Variants in THBS2 observed in about 807,000 individuals in gnomAD.
THBS2 encodes thrombospondin 2, also known as thrombospondin-2.
A neutral mutation model predicts 135.2 loss-of-function variants in THBS2; 47 were observed. The observed-to-expected ratio is 0.35, with a 90% CI of 0.28 to 0.44. The LOEUF is 0.44. THBS2 is among the 20% of genes least tolerant of loss of function. THBS2 has a pLI of 1.00. For missense variants in THBS2, 1,288 were observed against 1,603.1 expected, an observed-to-expected ratio of 0.80 and a Z score of 3.36; for synonymous variants, 639 against 633.8, an observed-to-expected ratio of 1.01 and a Z score of -0.12.
At position 169,237,787 on chromosome 6, in the gene THBS2, C is replaced by T. The variant is rs150416877; in HGVS notation, c.1138G>A (p.Gly380Ser). ...GCCCACGGAGACCAGCCCTCCTCAC[C>T]GTCCACCGCTGCCAGAGGAAGCAAA... is the stretch of plus-strand genomic sequence containing the variant. ...CCPSCLHSVD[G>S]EEGWSPWAEW... The change falls in exon 8 of 22, where the codon GGT becomes AGT. Residue 380 changes from glycine (G) to serine (S), a missense_variant. Transcript: ENST00000617924. 47 of 1,609,206 alleles carry T rather than the reference C, an allele frequency of 2.9e-5. No individual in the cohort carries two copies. Among genetic ancestry groups the T allele is most frequent in the African/African-American group, 2.1e-4 (16 of 74,904 alleles).
chr6:169,226,344 A>G (rs1285586869), intron 15 of THBS2, 46 bp from the exon 16 acceptor site: 2 of 1,481,532 alleles, frequency 1.3e-6, no homozygotes, highest in Non-Finnish European at 1.9e-6. Flanking sequence ...AACCAGAAGG[A>G]CAGGTGAGTT....
At chr6:169,247,459 G>A in intron 3 of THBS2, among the ~76,000 whole-genome samples, 1 of 152,246 alleles carries the variant, frequency 6.6e-6, no homozygotes, top group African/African-American at 2.4e-5. Context: ...GTGCATTTGT[G>A]CATGTGTATG....
intron 8 of THBS2, 139 bp downstream of exon 8, chr6:169,237,486 A>G (rs1780139300): frequency 1.3e-6 from 2 of 1,497,746 alleles, no homozygotes; most frequent in Middle Eastern, 2.1e-4. Flanking sequence ...GCTGGGAGAA[A>G]GAGCCTCACC....
intron 14 of THBS2, among the ~76,000 whole-genome samples, chr6:169,228,509 C>G (rs1046880829): frequency 6.6e-6 from 1 of 152,064 alleles, no homozygotes; most frequent in Admixed American, 6.5e-5. Context: ...GGGCAGGGCA[C>G]GGAGGCTCAC....
intron 4 of THBS2, among the ~76,000 whole-genome samples, chr6:169,242,227 G>A (rs577055329): frequency 6.6e-6 from 1 of 152,214 alleles, no homozygotes; most frequent in African/African-American, 2.4e-5. Flanking sequence ...GTCACAGAAG[G>A]AGCAGAGCAG....
chr6:169,232,595 T>C lies in THBS2; in HGVS notation c.1932+69A>G. On this transcript the variant is annotated intron_variant, in intron 12 of 21. Coordinates refer to ENST00000617924, the MANE Select transcript of THBS2 (RefSeq NM_003247.5). ...CACCCCTTCCTCTCCTTCCTCCTGC[T>C]GCTTTTCTGAGCTCATCTGATTTTT... 2.0e-6 allele frequency: 3 copies of C among 1,533,738 alleles called. No homozygotes were observed. In the South Asian group the frequency reaches 3.9e-5, roughly 20 times the overall value.
chr6:169,226,854 C>T (rs376593234), intron 15 of THBS2, among the ~76,000 whole-genome samples: 8 of 152,326 alleles, frequency 5.3e-5, no homozygotes, highest in East Asian at 1.9e-4. Context: ...AAATGTTACA[C>T]GGCAGCGAGT....
chr6:169,246,444 A>T (rs1316816786), intron 3 of THBS2, among the ~76,000 whole-genome samples, 163 bp from the exon 4 acceptor site: 3 of 152,188 alleles, frequency 2.0e-5, no homozygotes, highest in African/African-American at 7.2e-5. Flanking sequence ...GTTTTTCTGT[A>T]TATAGTACTT....
chr6:169,247,501 C>A (rs1780590841), intron 3 of THBS2, among the ~76,000 whole-genome samples: 1 of 149,858 alleles, frequency 6.7e-6, no homozygotes, highest in African/African-American at 2.5e-5. Context: ...GTGTATGCAT[C>A]TATATGATGT....
rs1268775845 is a variant in THBS2 at position 169,250,867 on chromosome 6, G to A, written c.-22-61C>T. On this transcript the variant is annotated intron_variant, in intron 1 of 21. Coordinates refer to ENST00000617924, the MANE Select transcript of THBS2 (RefSeq NM_003247.5). ...CACAGCTGCAACCCTGCCTGTGAGC[G>A]AGACTGGCCCAGTGACTCACATGAC... is the stretch of plus-strand genomic sequence containing the variant. 25 of 1,206,198 alleles carry A rather than the reference G, an allele frequency of 2.1e-5. No homozygotes were observed. The Admixed American group carries it at 3.3e-4, about 16-fold the overall frequency. 74.7% of individuals were successfully genotyped at this position (1,206,198 alleles called of 1,614,324 possible). A position where few individuals can be genotyped will look rare whatever the true frequency, so the allele number is the denominator to read the frequency against.
intron 12 of THBS2, among the ~76,000 whole-genome samples, 186 bp downstream of exon 12, chr6:169,232,478 C>T (rs1182418445): frequency 2.2e-5 from 1 of 45,590 alleles, no homozygotes; most frequent in African/African-American, 2.8e-4. Flanking sequence ...CGGCTGAGCA[C>T]GCCCCGCACC....
chr6:169,248,271 G>A, intron 3 of THBS2, 146 bp downstream of exon 3: 1 of 958,160 alleles, frequency 1.0e-6, no homozygotes, highest in Non-Finnish European at 1.6e-6. Flanking sequence ...GCACGCATGT[G>A]TGTGAGCACA....
At chr6:169,240,341 C>G (rs1391966056) in intron 6 of THBS2, 111 bp downstream of exon 6, 1 of 1,432,420 alleles carries the variant, frequency 7.0e-7, no homozygotes, top group East Asian at 2.3e-5. Context: ...CCTCACATAG[C>G]TGAACCGGTT....
intron 20 of THBS2, 49 bp from the exon 21 acceptor site, chr6:169,220,386 C>T: frequency 1.3e-6 from 2 of 1,579,982 alleles, no homozygotes; most frequent in Non-Finnish European, 1.7e-6. Flanking sequence ...ACAACATGAA[C>T]TCTGTGAAGC....
rs764002248 is a variant in THBS2 at position 169,237,661 on chromosome 6, T to C, written c.1264A>G (p.Thr422Ala). The C allele has an allele frequency of 6.2e-7, 1 of 1,613,010 alleles. No individual in the cohort carries two copies. Among genetic ancestry groups the C allele is most frequent in the East Asian group, 2.2e-5 (1 of 44,866 alleles). Reference sequence around the variant, plus strand: ...CACTTGCTCAGACTGCAAGCCCGTGTCTGGATGGAGGGCCCCAAGCAGGTG... The same window carrying C: ...CACTTGCTCAGACTGCAAGCCCGTGCCTGGATGGAGGGCCCCAAGCAGGTG... ...SNTCLGPSIQ[T>A]RACSLSKCDT... Residue 422 changes from threonine to alanine, a missense_variant, in exon 8 of 22, where the codon ACA becomes GCA. By Grantham distance (58) the Thr-to-Ala change is moderately conservative (BLOSUM62 0). Around this residue, in one of 2 missense-constraint regions of THBS2, gnomAD observed 874 missense variants for 1,156.1 expected, o/e 0.76. Transcript: ENST00000617924.
intron 4 of THBS2, among the ~76,000 whole-genome samples, chr6:169,243,037 C>T (rs368896021): frequency 3.6e-4 from 25 of 70,032 alleles, no homozygotes; most frequent in African/African-American, 7.8e-4. Context: ...ACCTTCCCAC[C>T]GCTCCCACCT....
At chr6:169,247,764 TGTG>T (rs932854515) in intron 3 of THBS2, among the ~76,000 whole-genome samples, 4 of 152,012 alleles carry the variant, frequency 2.6e-5, no homozygotes, top group Admixed American at 1.3e-4. Context: ...ATGTGTGTGG[TGTG>T]TGTGCATGTG....
chr6:169,239,410 A>T, intron 7 of THBS2, 189 bp downstream of exon 7: 1 of 599,862 alleles, frequency 1.7e-6, no homozygotes, highest in Non-Finnish European at 2.9e-6. Context: ...GGGCTTCCAC[A>T]CTCCTTTCTA....
intron 18 of THBS2, 131 bp downstream of exon 18, chr6:169,223,117 A>G: frequency 1.2e-6 from 1 of 811,338 alleles, no homozygotes; most frequent in Non-Finnish European, 1.9e-6. Flanking sequence ...TTCACAGACC[A>G]TGGAAGGATG....
Sources: allele counts gnomAD v4.1 joint callset (sites outside exome capture counted in the v4.1 genomes callset), GRCh38; gene constraint gnomAD v4.1.1; regional missense constraint gnomAD v4.1.1; transcripts MANE v1.5; gene names NCBI Gene and HGNC (gene_info 2026-07-23, HGNC 2026-07-21).